The following PIK3R3 variants were observed in gnomAD, a reference collection of about 807,000 sequenced individuals.
PIK3R3 encodes phosphatidylinositol 3-kinase regulatory subunit gamma.
In PIK3R3, 64 loss-of-function variants were observed where a neutral mutation model predicts 62.9. That is an observed-to-expected ratio of 1.02 (90% CI 0.83 to 1.25). The LOEUF (loss-of-function observed/expected upper bound fraction) is 1.25, where lower values mean the gene tolerates loss of function less well. PIK3R3 is among the 50% of genes most tolerant of loss of function. PIK3R3 has a pLI of 0.00. For missense variants in PIK3R3, 614 were observed against 561.6 expected, an observed-to-expected ratio of 1.09 and a Z score of -0.94; for synonymous variants, 165 against 189.0, an observed-to-expected ratio of 0.87 and a Z score of 1.04.
At chr1:46,145,347 A>G in the PIK3R3 span, among the ~76,000 whole-genome samples, 5 of 148,214 alleles carry the variant, frequency 3.4e-5, no homozygotes, top group Non-Finnish European at 7.4e-5. Flanking sequence ...GCTATAACAG[A>G]ATACCTGAGG....
intron 1 of PIK3R3, among the ~76,000 whole-genome samples, chr1:46,118,127 G>C (rs1280602697): frequency 6.6e-6 from 1 of 152,046 alleles, no homozygotes; most frequent in Non-Finnish European, 1.5e-5. Context: ...TATATAAATA[G>C]CTTTGGCATT....
chr1:46,105,130 G>T lies in PIK3R3; in HGVS notation c.107-24380C>A, dbSNP rs192354952. On this transcript the variant is annotated intron_variant, in intron 1 of 9. Transcript: ENST00000262741. ...CTCAAATTGGAATAGAATGGAACCT[G>T]TCCCCTGATGGGAGAGTCACTCCGA... 1.3e-3 allele frequency: 918 copies of T among 704,288 alleles called. 2 individuals are homozygous for T. The highest frequency in any genetic ancestry group is 1.6e-3 in the Non-Finnish European group (614 of 382,512). The allele number at this position is 704,288 out of a possible 1,614,324, so 43.6% of individuals were successfully genotyped here. A position where few individuals can be genotyped will look rare whatever the true frequency, so the allele number is the denominator to read the frequency against.
Position 46,043,236 on chromosome 1 carries a change from G to A in PIK3R3, c.*437C>T. 1 of 234,788 alleles carries A rather than the reference G, an allele frequency of 4.3e-6. No homozygotes were observed. The highest frequency in any genetic ancestry group is 8.4e-6 in the Non-Finnish European group (1 of 118,862). 14.5% of individuals were successfully genotyped at this position (234,788 alleles called of 1,614,324 possible). A position where few individuals can be genotyped will look rare whatever the true frequency, so the allele number is the denominator to read the frequency against. ...AACCTAAACAGCCTTCTTCGTGGGG[G>A]GAAGAGAGACTGCCAAAGCAAAACA... On this transcript the variant is annotated 3_prime_UTR_variant, in exon 10 of 10. Coordinates refer to ENST00000262741, the MANE Select transcript of PIK3R3 (RefSeq NM_003629.4).
intron 1 of PIK3R3, among the ~76,000 whole-genome samples, chr1:46,125,345 A>G (rs1270884084): frequency 6.6e-6 from 1 of 152,146 alleles, no homozygotes; most frequent in Non-Finnish European, 1.5e-5. Context: ...AAACGACAAT[A>G]TCATTAAAAA....
At position 46,046,107 on chromosome 1, in the gene PIK3R3, T is replaced by G; in HGVS notation, c.1017-19A>C. The G allele has an allele frequency of 7.2e-7, 1 of 1,386,088 alleles. No homozygotes were observed. Among genetic ancestry groups the G allele is most frequent in the Non-Finnish European group, 1.0e-6 (1 of 993,500 alleles). The allele number at this position is 1,386,088 out of a possible 1,614,324, so 85.9% of individuals were successfully genotyped here. ...ATAGTTCCTAAAAATTAAATATTAG[T>G]ATATTATTCTAACAAGTTACTTCTA... On this transcript the variant is annotated intron_variant, in intron 8 of 9. Coordinates refer to ENST00000262741, the MANE Select transcript of PIK3R3 (RefSeq NM_003629.4).
chr1:46,108,563 T>A, intron 1 of PIK3R3, among the ~76,000 whole-genome samples: 1 of 152,114 alleles, frequency 6.6e-6, no homozygotes, highest in Middle Eastern at 3.2e-3. Flanking sequence ...AATCAATGGG[T>A]ACTCTAAATC....
Position 46,055,781 on chromosome 1 carries a change from C to T in PIK3R3, c.941+14G>A. ...ACTAACGTCTCCCTCCCCATACACT[C>T]CCAGACTACTTACACAAGGTGTTGA... is the stretch of plus-strand genomic sequence containing the variant. On this transcript the variant is annotated intron_variant, in intron 7 of 9. Coordinates refer to ENST00000262741, the MANE Select transcript of PIK3R3 (RefSeq NM_003629.4). 6.4e-6 allele frequency: 10 copies of T among 1,564,816 alleles called. No homozygotes were observed. The highest frequency in any genetic ancestry group is 1.2e-5 in the South Asian group (1 of 82,062).
chr1:46,082,347 G>A (rs991103490), intron 1 of PIK3R3, among the ~76,000 whole-genome samples: 24 of 152,190 alleles, frequency 1.6e-4, no homozygotes, highest in Non-Finnish European at 1.2e-4. Flanking sequence ...CAGGTCATGA[G>A]GGTCAAGGAA....
At chr1:46,096,672 C>T (rs1030476371) in intron 1 of PIK3R3, among the ~76,000 whole-genome samples, 1 of 151,830 alleles carries the variant, frequency 6.6e-6, no homozygotes, top group Non-Finnish European at 1.5e-5. Flanking sequence ...ACGGGCAGGC[C>T]GATCACCCGA....
At chr1:46,086,511 C>A (rs1651068928) in intron 1 of PIK3R3, among the ~76,000 whole-genome samples, 1 of 151,958 alleles carries the variant, frequency 6.6e-6, no homozygotes, top group African/African-American at 2.4e-5. Flanking sequence ...ACCAGCCTGG[C>A]CAACACGGTG....
chr1:46,077,423 TATAG>T lies in PIK3R3; in HGVS notation c.314+88_314+91del, dbSNP rs1273093443. 33 of 548,446 alleles carry T rather than the reference TATAG, an allele frequency of 6.0e-5. No homozygotes were observed. The East Asian group carries it at 6.1e-4, about 10-fold the overall frequency. 34.0% of individuals were successfully genotyped at this position (548,446 alleles called of 1,614,324 possible). Reference sequence around the variant, plus strand: ...AATTAAATGAAAATATGAAAAATTGTATAGATAAAGATTTAAATACAGAAATATC... The same window carrying T: ...AATTAAATGAAAATATGAAAAATTGTATAAAGATTTAAATACAGAAATATC... On this transcript the variant is annotated intron_variant, in intron 3 of 9. Transcript: ENST00000262741.
chr1:46,045,617 C>CTTT (rs1031388121), intron 9 of PIK3R3, among the ~76,000 whole-genome samples: 4,128 of 20,862 alleles, frequency 0.2, 1,242 homozygotes, highest in Non-Finnish European at 0.26. Flanking sequence ...CAATTAAGTG[C>CTTT]TTTTTTTTTT....
the PIK3R3 span, among the ~76,000 whole-genome samples, chr1:46,140,037 G>A: frequency 3.3e-5 from 5 of 152,196 alleles, no homozygotes; most frequent in Non-Finnish European, 7.3e-5. Flanking sequence ...CACCCAAGCT[G>A]GAATGCACTG....
chr1:46,133,967 T>C (rs144993944), upstream of PIK3R3, among the ~76,000 whole-genome samples: 554 of 152,288 alleles, frequency 3.6e-3, 1 homozygote, highest in Non-Finnish European at 5.6e-3. Flanking sequence ...ATCTGGGAGA[T>C]TGGCTTCACT....
intron 3 of PIK3R3, among the ~76,000 whole-genome samples, chr1:46,072,325 C>A (rs1417509237): frequency 1.3e-5 from 2 of 152,214 alleles, no homozygotes; most frequent in African/African-American, 2.4e-5. Context: ...GAATTAAGAT[C>A]ATCACTCTTC....
the PIK3R3 span, among the ~76,000 whole-genome samples, chr1:46,173,950 T>G: frequency 6.6e-6 from 1 of 152,082 alleles, no homozygotes; most frequent in Non-Finnish European, 1.5e-5. Context: ...CTGGTGAGTG[T>G]GTCTGCATGC....
intron 1 of PIK3R3, among the ~76,000 whole-genome samples, chr1:46,103,556 C>T (rs933551527): frequency 2.6e-5 from 4 of 151,796 alleles, no homozygotes; most frequent in Admixed American, 1.3e-4. Context: ...GCAACAAGAG[C>T]GAGACTCCGC....
At chr1:46,067,128 C>G in intron 3 of PIK3R3, 37 bp from the exon 4 acceptor site, 1 of 1,479,248 alleles carries the variant, frequency 6.8e-7, no homozygotes, top group Non-Finnish European at 9.1e-7. Context: ...GATTTTTTTC[C>G]CCCAAATTCA....
chr1:46,086,129 A>G (rs1651031077), intron 1 of PIK3R3, among the ~76,000 whole-genome samples: 1 of 152,238 alleles, frequency 6.6e-6, no homozygotes, highest in African/African-American at 2.4e-5. Context: ...AGAAACATAG[A>G]GACATATAGA....
Sources: gnomAD v4.1 joint callset for allele counts (sites outside exome capture counted in the v4.1 genomes callset) on GRCh38, gnomAD v4.1.1 for gene constraint, MANE v1.5 for transcripts, NCBI Gene and HGNC (gene_info 2026-07-23, HGNC 2026-07-21) for gene names.